Variants in TOP6BL observed in about 807,000 individuals in gnomAD.
The protein encoded by TOP6BL is type 2 DNA topoisomerase 6 subunit B-like.
the TOP6BL span, chr11:66,816,150 C>T: frequency 1.2e-5 from 19 of 1,608,186 alleles, no homozygotes; most frequent in Non-Finnish European, 1.5e-5. Flanking sequence ...TGCTTTTTCT[C>T]TTTGTGGATT....
the TOP6BL span, chr11:66,843,426 T>A: frequency 7.2e-7 from 1 of 1,393,814 alleles, no homozygotes; most frequent in South Asian, 1.6e-5. Context: ...TGGGACTGCG[T>A]CACTGGTGCG....
chr11:66,843,181 C>T, the TOP6BL span: 1 of 1,611,164 alleles, frequency 6.2e-7, no homozygotes, highest in African/African-American at 1.3e-5. Context: ...CGTGCTGTGG[C>T]TGCAGGAGGT....
the TOP6BL span, chr11:66,745,034 G>A: frequency 9.0e-7 from 1 of 1,115,440 alleles, no homozygotes; most frequent in Non-Finnish European, 1.1e-6. Flanking sequence ...AAGGAGGAAG[G>A]TTCGGGAATC....
chr11:66,780,168 CTG>C, the TOP6BL span, among the ~76,000 whole-genome samples: 2 of 151,800 alleles, frequency 1.3e-5, no homozygotes, highest in Non-Finnish European at 2.9e-5. Flanking sequence ...AAAAAAGAAA[CTG>C]TGGTATTGGC....
At chr11:66,756,007 T>C in the TOP6BL span, among the ~76,000 whole-genome samples, 1 of 152,196 alleles carries the variant, frequency 6.6e-6, no homozygotes, top group African/African-American at 2.4e-5. Flanking sequence ...AAAACTATCT[T>C]TTGGGGGACA....
At chr11:66,755,488 T>G in the TOP6BL span, among the ~76,000 whole-genome samples, 1 of 152,200 alleles carries the variant, frequency 6.6e-6, no homozygotes, top group African/African-American at 2.4e-5. Context: ...GTTTGTGCCC[T>G]TATAAATCTC....
At chr11:66,776,225 A>G in the TOP6BL span, among the ~76,000 whole-genome samples, 1 of 151,956 alleles carries the variant, frequency 6.6e-6, no homozygotes, top group Non-Finnish European at 1.5e-5. Flanking sequence ...TGCCTGGGTA[A>G]CTTGTGTATT....
the TOP6BL span, among the ~76,000 whole-genome samples, chr11:66,817,431 T>C: frequency 6.6e-6 from 1 of 151,980 alleles, no homozygotes; most frequent in Non-Finnish European, 1.5e-5. Flanking sequence ...TGGATGATGA[T>C]GATGATGATG....
chr11:66,761,743 G>T, the TOP6BL span: 1 of 782,556 alleles, frequency 1.3e-6, no homozygotes, highest in South Asian at 1.4e-5. Context: ...GGGAATCTGT[G>T]TTGAGTGTAT....
At chr11:66,808,913 A>G in the TOP6BL span, among the ~76,000 whole-genome samples, 126 of 152,336 alleles carry the variant, frequency 8.3e-4, no homozygotes, top group East Asian at 0.016. Context: ...ATATTTAAAG[A>G]GTTAATGGCT....
the TOP6BL span, chr11:66,842,803 G>A: frequency 6.6e-7 from 1 of 1,509,476 alleles, no homozygotes; most frequent in African/African-American, 1.4e-5. Context: ...GGTGCTCCTA[G>A]CACAGGGCCA....
At chr11:66,807,115 A>G in the TOP6BL span, among the ~76,000 whole-genome samples, 1 of 152,180 alleles carries the variant, frequency 6.6e-6, no homozygotes, top group Admixed American at 6.5e-5. Context: ...TGGAGATGTT[A>G]TTTTAAATAT....
At chr11:66,804,152 G>C in the TOP6BL span, 15 of 1,613,292 alleles carry the variant, frequency 9.3e-6, no homozygotes, top group East Asian at 3.1e-4. Flanking sequence ...CAGCCCAAAG[G>C]TTTCTTCCAA....
chr11:66,785,044 C>T, the TOP6BL span, among the ~76,000 whole-genome samples: 1 of 148,984 alleles, frequency 6.7e-6, no homozygotes, highest in Non-Finnish European at 1.5e-5. Flanking sequence ...CAACCTCCAC[C>T]TCCCTGGTTC....
At chr11:66,785,969 AAAG>A in the TOP6BL span, among the ~76,000 whole-genome samples, 1 of 152,148 alleles carries the variant, frequency 6.6e-6, no homozygotes, top group Non-Finnish European at 1.5e-5. Context: ...AAAGGAGGAG[AAAG>A]AAGAACACCT....
At chr11:66,812,213 G>T in the TOP6BL span, among the ~76,000 whole-genome samples, 8 of 148,792 alleles carry the variant, frequency 5.4e-5, no homozygotes, top group African/African-American at 2.0e-4. Context: ...GTCTGGCTCT[G>T]TCGCCCAGGC....
the TOP6BL span, among the ~76,000 whole-genome samples, chr11:66,797,123 C>G: frequency 6.6e-6 from 1 of 151,920 alleles, no homozygotes; most frequent in Admixed American, 6.6e-5. Flanking sequence ...CCTCCGCCTT[C>G]CTAGTAGCTG....
At chr11:66,761,086 G>A in the TOP6BL span, among the ~76,000 whole-genome samples, 1 of 149,840 alleles carries the variant, frequency 6.7e-6, no homozygotes, top group Non-Finnish European at 1.5e-5. Context: ...AGAAAACAAC[G>A]ATAGGCCGGG....
the TOP6BL span, among the ~76,000 whole-genome samples, chr11:66,830,756 A>G: frequency 1.8e-4 from 28 of 152,224 alleles, no homozygotes; most frequent in Non-Finnish European, 3.1e-4. Flanking sequence ...TTTACAGTAT[A>G]TTTTACAACT....
Sources: allele counts gnomAD v4.1 joint callset (sites outside exome capture counted in the v4.1 genomes callset), GRCh38; gene constraint gnomAD v4.1.1; transcripts MANE v1.5; gene names NCBI Gene and HGNC (gene_info 2026-07-23, HGNC 2026-07-21).